The following CUX2 variants were observed in gnomAD, a reference collection of about 807,000 sequenced individuals.
CUX2 encodes cut like homeobox 2.
CUX2 carries 40 observed loss-of-function variants against 144.8 expected under a neutral mutation model. The observed-to-expected ratio is 0.28, with a 90% CI of 0.21 to 0.36. The LOEUF is 0.36. CUX2 is among the 10% of genes least tolerant of loss of function. CUX2 has a pLI of 1.00. For missense variants in CUX2, 1,615 were observed against 1,994.0 expected (o/e 0.81, Z 3.62); for synonymous variants, 827 against 875.6 (o/e 0.94, Z 0.98).
At chr12:111,157,054 T>C (rs1048548099) in intron 1 of CUX2, among the ~76,000 whole-genome samples, 11 of 148,268 alleles carry the variant, frequency 7.4e-5, no homozygotes, top group Admixed American at 5.4e-4. Flanking sequence ...TTGTACATAT[T>C]ATGAAAGAAA....
intron 1 of CUX2, among the ~76,000 whole-genome samples, chr12:111,053,520 C>T (rs1044351624): frequency 2.0e-5 from 3 of 152,378 alleles, no homozygotes; most frequent in Admixed American, 2.0e-4. Context: ...TAGTCTCCAT[C>T]CTTAGCATTC....
intron 1 of CUX2, among the ~76,000 whole-genome samples, chr12:111,132,849 T>C (rs1875593194): frequency 6.6e-6 from 1 of 152,190 alleles, no homozygotes; most frequent in Admixed American, 6.5e-5. Context: ...ATTACAGGCA[T>C]GAGCCACTAT....
chr12:111,063,568 A>T (rs1196365738), intron 1 of CUX2, among the ~76,000 whole-genome samples: 1 of 152,304 alleles, frequency 6.6e-6, no homozygotes, highest in East Asian at 1.9e-4. Context: ...ACTTTGAGAT[A>T]CGGTGGGCTT....
At chr12:111,301,033 T>G (rs1180679265) in intron 9 of CUX2, among the ~76,000 whole-genome samples, 1 of 114,932 alleles carries the variant, frequency 8.7e-6, no homozygotes, top group Non-Finnish European at 1.6e-5. Context: ...AGTGAGACCC[T>G]ATCTCAAAAA....
At chr12:111,134,616 C>CTGTGTGTGTGTGTGTGTGTG (rs1191021541) in intron 1 of CUX2, among the ~76,000 whole-genome samples, 36 of 145,220 alleles carry the variant, frequency 2.5e-4, no homozygotes, top group African/African-American at 8.4e-4. Flanking sequence ...CTCTCTCTCT[C>CTGTGTGTGTGTGTGTGTGTG]TCTCTGTGTG....
At chr12:111,286,971 G>A (rs957271360) in intron 4 of CUX2, among the ~76,000 whole-genome samples, 1 of 152,168 alleles carries the variant, frequency 6.6e-6, no homozygotes, top group African/African-American at 2.4e-5. Flanking sequence ...CCCTGAGCTG[G>A]ACTTTGGATT....
At chr12:111,197,083 C>T (rs986157013) in intron 1 of CUX2, among the ~76,000 whole-genome samples, 2 of 152,152 alleles carry the variant, frequency 1.3e-5, no homozygotes, top group Non-Finnish European at 2.9e-5. Context: ...TAGGAGGACC[C>T]AGGTGCAAAT....
chr12:111,213,600 C>T (rs890365292), intron 1 of CUX2, among the ~76,000 whole-genome samples: 3 of 152,100 alleles, frequency 2.0e-5, no homozygotes, highest in East Asian at 1.9e-4. Flanking sequence ...TGATTTACTG[C>T]GAGATACACA....
chr12:111,248,452 CTGGCAGTT>C (rs1883389201), intron 3 of CUX2, among the ~76,000 whole-genome samples: 1 of 152,140 alleles, frequency 6.6e-6, no homozygotes. Flanking sequence ...GGAGGTTCGG[CTGGCAGTT>C]TGCCAGCCAT....
Position 111,037,527 on chromosome 12 carries a change from T to C in CUX2, c.63+3287T>C, listed in dbSNP as rs1869521311. Among the ~76,000 whole-genome samples, 1 of 152,252 alleles carries C rather than the reference T, an allele frequency of 6.6e-6. No homozygotes were observed. Among genetic ancestry groups the C allele is most frequent in the African/African-American group, 2.4e-5 (1 of 41,462 alleles). On this transcript the variant is annotated intron_variant, in intron 1 of 21. Coordinates refer to ENST00000261726, the MANE Select transcript of CUX2 (RefSeq NM_015267.4). This position sits in a 1 kb window ranked among gnomAD's most constrained non-coding sequence, Gnocchi z 5.4. Reference sequence around the variant, plus strand: ...GGCCGATGGTAAAGGTGATCTGACATGTGCCACCCTACTCCGGCACTCCTG... The same window carrying C: ...GGCCGATGGTAAAGGTGATCTGACACGTGCCACCCTACTCCGGCACTCCTG...
intron 1 of CUX2, among the ~76,000 whole-genome samples, chr12:111,139,145 A>G (rs1876126805): frequency 6.6e-6 from 1 of 152,034 alleles, no homozygotes; most frequent in Non-Finnish European, 1.5e-5. Flanking sequence ...CGTGGGGGGC[A>G]TGAGGATAAG....
intron 1 of CUX2, among the ~76,000 whole-genome samples, chr12:111,092,137 C>G (rs1265601518): frequency 6.6e-6 from 1 of 152,224 alleles, no homozygotes; most frequent in African/African-American, 2.4e-5. Flanking sequence ...ATACCAGCAT[C>G]TTTAGAAAAC....
Position 111,307,314 on chromosome 12 carries a change from C to T in CUX2, c.1109+57C>T. Reference sequence around the variant, plus strand: ...CAGTGCTCTTCCCTGGCCAGGAGCTCTTGGCAAAGTTCATCATCTTCCTCC... The same window carrying T: ...CAGTGCTCTTCCCTGGCCAGGAGCTTTTGGCAAAGTTCATCATCTTCCTCC... On this transcript the variant is annotated intron_variant, in intron 12 of 21. Coordinates refer to ENST00000261726, the MANE Select transcript of CUX2 (RefSeq NM_015267.4). This position sits in a 1 kb window ranked among gnomAD's most constrained non-coding sequence, Gnocchi z 4.1. The T allele has an allele frequency of 6.6e-7, 1 of 1,518,086 alleles. No individual in the cohort carries two copies. Among genetic ancestry groups the T allele is most frequent in the African/African-American group, 1.4e-5 (1 of 72,956 alleles). 94.0% of individuals were successfully genotyped at this position (1,518,086 alleles called of 1,614,324 possible).
intron 3 of CUX2, among the ~76,000 whole-genome samples, chr12:111,256,840 AAAG>A (rs1409577199): frequency 6.6e-6 from 1 of 152,154 alleles, no homozygotes; most frequent in Non-Finnish European, 1.5e-5. Flanking sequence ...CGGGGATTTC[AAAG>A]AAGATGCCTG....
intron 3 of CUX2, among the ~76,000 whole-genome samples, chr12:111,237,490 C>T (rs993400593): frequency 2.6e-5 from 4 of 152,218 alleles, no homozygotes; most frequent in South Asian, 4.1e-4. Flanking sequence ...GTGCCCGACT[C>T]GAAGGGCAAC....
At chr12:111,134,110 T>C (rs941158006) in intron 1 of CUX2, among the ~76,000 whole-genome samples, 3 of 152,240 alleles carry the variant, frequency 2.0e-5, no homozygotes, top group African/African-American at 7.2e-5. Flanking sequence ...CCTCAGGGCA[T>C]GCATGGAAGC....
At chr12:111,115,875 T>C (rs1346598483) in intron 1 of CUX2, among the ~76,000 whole-genome samples, 2 of 152,214 alleles carry the variant, frequency 1.3e-5, no homozygotes, top group South Asian at 2.1e-4. Context: ...GTTCACAGAC[T>C]AGCACACAGT....
chr12:111,198,333 G>T lies in CUX2; in HGVS notation c.64-15867G>T, dbSNP rs555212026. Among the ~76,000 whole-genome samples the T allele has an allele frequency of 2.0e-5, 3 of 152,124 alleles. No homozygotes were observed. The East Asian group carries it at 5.8e-4, about 29-fold the overall frequency. ...TCTACTGTAATACAAAAATTAGCCG[G>T]GTGTGGTGGTGAACACCTGTAATCC... On this transcript the variant is annotated intron_variant, in intron 1 of 21. Coordinates refer to ENST00000261726, the MANE Select transcript of CUX2 (RefSeq NM_015267.4).
At chr12:111,080,892 T>C (rs1206203978) in intron 1 of CUX2, among the ~76,000 whole-genome samples, 1 of 152,244 alleles carries the variant, frequency 6.6e-6, no homozygotes, top group Non-Finnish European at 1.5e-5. Flanking sequence ...ATATTACTGC[T>C]ATTAAGCTTT....
Sources: gnomAD v4.1 joint callset for allele counts (sites outside exome capture counted in the v4.1 genomes callset) on GRCh38, gnomAD v4.1.1 for gene constraint, Gnocchi (gnomAD v3.1) non-coding constraint, MANE v1.5 for transcripts, NCBI Gene and HGNC (gene_info 2026-07-23, HGNC 2026-07-21) for gene names.